The following MACROD2 variants were observed in gnomAD, a reference collection of about 807,000 sequenced individuals.
MACROD2 encodes mono-ADP ribosylhydrolase 2.
Under a neutral mutation model 70.4 loss-of-function variants are expected in MACROD2, and 36 were observed. The observed-to-expected ratio is 0.51, with a 90% CI of 0.39 to 0.68. The LOEUF is 0.68. Among genes scored for constraint, MACROD2 ranks in the 30% least tolerant of loss-of-function variants. The pLI is 0.00. For missense variants in MACROD2, 496 were observed against 538.4 expected (o/e 0.92, Z 0.78); for synonymous variants, 172 against 178.8 (o/e 0.96, Z 0.30).
chr20:14,023,357 C>G (rs1016244708), intron 2 of MACROD2, among the ~76,000 whole-genome samples: 5 of 152,160 alleles, frequency 3.3e-5, no homozygotes, highest in African/African-American at 9.7e-5. Flanking sequence ...GTTGTCTGTT[C>G]ACTCTGATGA....
At chr20:14,413,352 A>G (rs1043744238) in intron 3 of MACROD2, among the ~76,000 whole-genome samples, 1 of 151,588 alleles carries the variant, frequency 6.6e-6, no homozygotes, top group Non-Finnish European at 1.5e-5. Flanking sequence ...TGTAAAACTG[A>G]TATTTATAAG....
intron 8 of MACROD2, among the ~76,000 whole-genome samples, chr20:15,760,772 G>A (rs1290452473): frequency 6.6e-6 from 1 of 152,162 alleles, no homozygotes; most frequent in East Asian, 1.9e-4. Flanking sequence ...TTATGTGAAT[G>A]GACACAGACA....
chr20:14,273,200 A>G (rs2082213991), intron 3 of MACROD2, among the ~76,000 whole-genome samples: 3 of 152,212 alleles, frequency 2.0e-5, no homozygotes. Context: ...CATTTTTTTC[A>G]GCACCACACC....
Position 15,359,507 on chromosome 20 carries a change from T to G in MACROD2, c.541-71898T>G, listed in dbSNP as rs550027874. The stretch of plus-strand genomic sequence containing the variant: ...TTGTGTATATATTTATGTGTTAATA[T>G]ATACACAATAATTTCTTAATTTATT... On this transcript the variant is annotated intron_variant, in intron 6 of 17. Coordinates refer to ENST00000684519, the MANE Select transcript of MACROD2 (RefSeq NM_001351661.2). Among the ~76,000 whole-genome samples the G allele has an allele frequency of 7.2e-5, 11 of 151,734 alleles. No individual in the cohort carries two copies. In the East Asian group the frequency reaches 1.4e-3, roughly 19 times the overall value.
At chr20:16,035,020 A>G (rs1363168608) in intron 15 of MACROD2, among the ~76,000 whole-genome samples, 3 of 146,730 alleles carry the variant, frequency 2.0e-5, no homozygotes, top group Admixed American at 6.9e-5. Flanking sequence ...GTAGTATTCT[A>G]TCATATAACT....
At chr20:14,907,535 GA>G (rs2073974004) in intron 5 of MACROD2, among the ~76,000 whole-genome samples, 1 of 152,118 alleles carries the variant, frequency 6.6e-6, no homozygotes, top group African/African-American at 2.4e-5. Flanking sequence ...GTCCCGGGGG[GA>G]ATCAATGAGA....
intron 3 of MACROD2, among the ~76,000 whole-genome samples, chr20:14,407,921 A>G (rs780118404): frequency 1.6e-4 from 25 of 152,172 alleles, no homozygotes; most frequent in Non-Finnish European, 2.9e-4. Context: ...GTCCCATTTC[A>G]GGCTAGACAT....
chr20:14,569,147 G>T (rs1269311614), intron 4 of MACROD2, among the ~76,000 whole-genome samples: 2 of 151,980 alleles, frequency 1.3e-5, no homozygotes, highest in African/African-American at 2.4e-5. Flanking sequence ...TGTCTTGGAG[G>T]TGTCTCATTA....
At chr20:14,395,097 A>G (rs916999260) in intron 3 of MACROD2, among the ~76,000 whole-genome samples, 1 of 152,058 alleles carries the variant, frequency 6.6e-6, no homozygotes, top group Non-Finnish European at 1.5e-5. Context: ...TTGATCTCAT[A>G]GGATACGTCA....
intron 5 of MACROD2, chr20:14,884,220 A>G (rs943779225): frequency 2.6e-5 from 4 of 152,180 alleles, no homozygotes; most frequent in Admixed American, 6.5e-5. Flanking sequence ...CTGGTTATCC[A>G]TAGCTTTTAA....
intron 5 of MACROD2, among the ~76,000 whole-genome samples, chr20:14,828,688 A>T (rs2072928774): frequency 6.6e-6 from 1 of 152,070 alleles, no homozygotes; most frequent in African/African-American, 2.4e-5. Flanking sequence ...GAGTCAGGAA[A>T]AGCTTCCCTG....
intron 5 of MACROD2, among the ~76,000 whole-genome samples, chr20:15,138,988 G>A (rs1051542391): frequency 2.6e-5 from 4 of 152,104 alleles, no homozygotes; most frequent in Admixed American, 2.6e-4. Flanking sequence ...GAGTTGGCAC[G>A]TATCAGAATT....
intron 5 of MACROD2, among the ~76,000 whole-genome samples, chr20:14,919,443 C>A (rs1410552854): frequency 1.3e-5 from 2 of 152,332 alleles, no homozygotes; most frequent in Non-Finnish European, 2.9e-5. Flanking sequence ...AATTGTTCAA[C>A]CTTTCATAAC....
chr20:15,610,088 A>G (rs887667043), intron 8 of MACROD2, among the ~76,000 whole-genome samples: 2 of 152,236 alleles, frequency 1.3e-5, no homozygotes, highest in Admixed American at 6.5e-5. Flanking sequence ...TTGCAAAATT[A>G]TGTTAAGAAT....
intron 3 of MACROD2, among the ~76,000 whole-genome samples, chr20:14,305,100 A>G (rs902850916): frequency 6.6e-6 from 1 of 152,146 alleles, no homozygotes; most frequent in African/African-American, 2.4e-5. Context: ...TCCCCAGGTA[A>G]TGCTACTGTG....
chr20:15,837,118 A>G (rs1239000499), intron 8 of MACROD2, among the ~76,000 whole-genome samples: 2 of 152,168 alleles, frequency 1.3e-5, no homozygotes, highest in Non-Finnish European at 2.9e-5. Flanking sequence ...TTTGATGGAC[A>G]GGGCTGTACC....
chr20:15,018,542 G>T (rs947937157), intron 5 of MACROD2, among the ~76,000 whole-genome samples: 1 of 152,028 alleles, frequency 6.6e-6, no homozygotes, highest in African/African-American at 2.4e-5. Context: ...CACTGTACGG[G>T]TACCAATTTA....
intron 5 of MACROD2, among the ~76,000 whole-genome samples, chr20:14,913,570 C>T (rs772030335): frequency 6.6e-6 from 1 of 151,932 alleles, no homozygotes; most frequent in Non-Finnish European, 1.5e-5. Context: ...GCCTGTAGTC[C>T]CAGCAACTCA....
intron 7 of MACROD2, among the ~76,000 whole-genome samples, chr20:15,488,875 G>A (rs1026088928): frequency 2.6e-5 from 4 of 152,188 alleles, no homozygotes; most frequent in African/African-American, 9.7e-5. Flanking sequence ...TTATCCAGGG[G>A]TAGCAGGAAC....
Sources: allele counts gnomAD v4.1 joint callset (sites outside exome capture counted in the v4.1 genomes callset), GRCh38; gene constraint gnomAD v4.1.1; transcripts MANE v1.5; gene names NCBI Gene and HGNC (gene_info 2026-07-23, HGNC 2026-07-21).